Variants in GAP43 observed in about 807,000 individuals in gnomAD.
The protein encoded by GAP43 is neuromodulin.
A neutral mutation model predicts 18.6 loss-of-function variants in GAP43; 6 were observed. That is an observed-to-expected ratio of 0.32 (90% CI 0.18 to 0.64). The LOEUF is 0.64. Among genes scored for constraint, GAP43 ranks in the 30% least tolerant of loss-of-function variants. The pLI is 0.78. For synonymous variants in GAP43, 115 were observed against 111.4 expected, an observed-to-expected ratio of 1.03 and a Z score of -0.20; for missense variants, 292 against 295.5, an observed-to-expected ratio of 0.99 and a Z score of 0.09.
chr3:115,690,026 G>T (rs1379422692), intron 2 of GAP43, among the ~76,000 whole-genome samples: 3 of 152,234 alleles, frequency 2.0e-5, no homozygotes, highest in African/African-American at 7.2e-5. Flanking sequence ...TTTCTGACAA[G>T]CTCTCTGGCC....
In GAP43 at chr3:115,699,119, G is replaced by A. The variant is rs140829715; in HGVS notation, c.629-21675G>A. 5.6e-3 allele frequency among the ~76,000 whole-genome samples: 854 copies of A among 152,282 alleles called. 10 individuals are homozygous for A. Among genetic ancestry groups the A allele is most frequent in the African/African-American group, 0.02 (819 of 41,560 alleles). On this transcript the variant is annotated intron_variant, in intron 2 of 2. Coordinates refer to ENST00000305124, the MANE Select transcript of GAP43 (RefSeq NM_002045.4). ...TGGAAAGATTTGGTTTACTGAGGAA[G>A]TACTTTGGCATTGGCAGGAGGTTGA... is the stretch of plus-strand genomic sequence containing the variant.
intron 1 of GAP43, among the ~76,000 whole-genome samples, chr3:115,649,817 A>G (rs1262062196): frequency 7.8e-6 from 1 of 128,840 alleles, no homozygotes; most frequent in Non-Finnish European, 1.6e-5. Flanking sequence ...CTCTAAAAAA[A>G]AAAAAAAAGA....
At chr3:115,670,100 C>G (rs1210743435) in intron 1 of GAP43, among the ~76,000 whole-genome samples, 1 of 135,278 alleles carries the variant, frequency 7.4e-6, no homozygotes, top group Non-Finnish European at 1.6e-5. Flanking sequence ...CACCCACTAA[C>G]GTGTCATCTA....
rs536775980 is a variant in GAP43, at chr3:115,635,649, A to G, written c.30+11930A>G. Among the ~76,000 whole-genome samples, 23 of 152,168 alleles carry G rather than the reference A, an allele frequency of 1.5e-4. No homozygotes were observed. The South Asian group carries it at 4.6e-3, about 30-fold the overall frequency. On this transcript the variant is annotated intron_variant, in intron 1 of 2. Transcript: ENST00000305124. Reference sequence around the variant, plus strand: ...CCTCACTTCTGAACATCATCTGGAAAACACAATAAGCCCAAGAGAAACAGT... The same window carrying G: ...CCTCACTTCTGAACATCATCTGGAAGACACAATAAGCCCAAGAGAAACAGT...
At chr3:115,690,977 A>G (rs1030338655) in intron 2 of GAP43, among the ~76,000 whole-genome samples, 91 of 151,680 alleles carry the variant, frequency 6.0e-4, no homozygotes, top group African/African-American at 2.1e-3. Context: ...GGATGGTCTC[A>G]ATCTCCTGAC....
At chr3:115,647,847 G>T (rs1708476089) in intron 1 of GAP43, among the ~76,000 whole-genome samples, 1 of 151,914 alleles carries the variant, frequency 6.6e-6, no homozygotes, top group Non-Finnish European at 1.5e-5. Flanking sequence ...AAGCATTTAT[G>T]GCACCTATGC....
chr3:115,639,481 T>C (rs1708370717), intron 1 of GAP43, among the ~76,000 whole-genome samples: 3 of 152,096 alleles, frequency 2.0e-5, no homozygotes, highest in Non-Finnish European at 2.9e-5. Context: ...CTTCTGGTAC[T>C]CCTCCCACAG....
chr3:115,663,641 T>C, intron 1 of GAP43: 1 of 1,422,924 alleles, frequency 7.0e-7, no homozygotes, highest in Non-Finnish European at 9.2e-7. Context: ...TCATAACACC[T>C]CAGCCCTTGC....
Position 115,717,180 on chromosome 3 carries a change from A to G in GAP43, c.629-3614A>G, listed in dbSNP as rs1007395981. On this transcript the variant is annotated intron_variant, in intron 2 of 2. Coordinates refer to ENST00000305124, the MANE Select transcript of GAP43 (RefSeq NM_002045.4). Reference sequence around the variant, plus strand: ...CTGAGGTTCTTTCCTGAATGAGGTTATGTGCTGGACATGGGATTCAAGGTT... The same window carrying G: ...CTGAGGTTCTTTCCTGAATGAGGTTGTGTGCTGGACATGGGATTCAAGGTT... Among the ~76,000 whole-genome samples, 7 of 152,228 alleles carry G rather than the reference A, an allele frequency of 4.6e-5. 1 individual carries two copies. Among genetic ancestry groups the G allele is most frequent in the Admixed American group, 2.0e-4 (3 of 15,286 alleles).
At chr3:115,712,591 A>G (rs1022942967) in intron 2 of GAP43, among the ~76,000 whole-genome samples, 7 of 152,222 alleles carry the variant, frequency 4.6e-5, no homozygotes, top group Non-Finnish European at 8.8e-5. Context: ...AGCACTTTCA[A>G]ATACCTCCCT....
intron 1 of GAP43, among the ~76,000 whole-genome samples, chr3:115,635,940 T>G (rs1194955576): frequency 3.9e-5 from 6 of 152,090 alleles, no homozygotes; most frequent in Non-Finnish European, 1.5e-5. Context: ...ACCGTTCTCC[T>G]GCATTATCAT....
chr3:115,710,016 A>G (rs780357988), intron 2 of GAP43, among the ~76,000 whole-genome samples: 1 of 152,178 alleles, frequency 6.6e-6, no homozygotes, highest in Non-Finnish European at 1.5e-5. Context: ...TATATTGCAC[A>G]GTATCCAACA....
chr3:115,697,937 C>T (rs1462206197), intron 2 of GAP43, among the ~76,000 whole-genome samples: 1 of 142,752 alleles, frequency 7.0e-6, no homozygotes, highest in Non-Finnish European at 1.5e-5. Flanking sequence ...CATGCGGGAG[C>T]ATTTCTTCAA....
chr3:115,720,258 G>C (rs1173868023), intron 2 of GAP43, among the ~76,000 whole-genome samples: 1 of 152,110 alleles, frequency 6.6e-6, no homozygotes, highest in African/African-American at 2.4e-5. Context: ...GAATGTGAAG[G>C]GCAAAACCCA....
chr3:115,698,929 T>C (rs1238034455), intron 2 of GAP43, among the ~76,000 whole-genome samples: 4 of 152,072 alleles, frequency 2.6e-5, no homozygotes, highest in Non-Finnish European at 5.9e-5. Context: ...CCCTTACGTA[T>C]GACAACAGAA....
intron 2 of GAP43, among the ~76,000 whole-genome samples, chr3:115,700,107 G>A (rs1709278290): frequency 6.6e-6 from 1 of 152,174 alleles, no homozygotes; most frequent in South Asian, 2.1e-4. Flanking sequence ...GAGCTGGCCT[G>A]GAGCTCACAA....
At chr3:115,658,554 T>G (rs1360640890) in intron 1 of GAP43, 3 of 152,168 alleles carry the variant, frequency 2.0e-5, no homozygotes, top group Non-Finnish European at 4.4e-5. Flanking sequence ...GCGGCCGTGC[T>G]GCGGGCGTGG....
At chr3:115,653,577 G>A (rs368595490) in intron 1 of GAP43, among the ~76,000 whole-genome samples, 2 of 152,106 alleles carry the variant, frequency 1.3e-5, no homozygotes, top group African/African-American at 4.8e-5. Flanking sequence ...GGTAACCTGC[G>A]CCTCCTAAAA....
chr3:115,675,727 C>G (rs1209158818), intron 1 of GAP43, among the ~76,000 whole-genome samples: 1 of 134,042 alleles, frequency 7.5e-6, no homozygotes, highest in East Asian at 2.2e-4. Flanking sequence ...CCATTGTACT[C>G]CAGCCTGGGT....
Sources: allele counts gnomAD v4.1 joint callset (sites outside exome capture counted in the v4.1 genomes callset), GRCh38; gene constraint gnomAD v4.1.1; transcripts MANE v1.5; gene names NCBI Gene and HGNC (gene_info 2026-07-23, HGNC 2026-07-21).